Variants in KLHDC4 observed in about 807,000 individuals in gnomAD.
The protein encoded by KLHDC4 is kelch domain-containing protein 4.
In KLHDC4, 90 loss-of-function variants were observed where a neutral mutation model predicts 62.4. The ratio of observed to expected loss-of-function variants is 1.44; its 90% CI spans 1.22 to 1.72. KLHDC4 has a LOEUF of 1.72. Among genes scored for constraint, KLHDC4 ranks in the 40% most tolerant of loss-of-function variants. The pLI is 0.00. For missense variants in KLHDC4, 1,025 were observed against 699.7 expected, an observed-to-expected ratio of 1.47 and a Z score of -5.25; for synonymous variants, 386 against 284.4, an observed-to-expected ratio of 1.36 and a Z score of -3.59.
At chr16:87,765,072 G>C (rs2046433616) in intron 1 of KLHDC4, 1 of 455,166 alleles carries the variant, frequency 2.2e-6, no homozygotes, top group South Asian at 1.6e-5. Flanking sequence ...TGACCTGCTC[G>C]TGAGGAGTAA....
chr16:87,751,153 C>T (rs189730463), intron 4 of KLHDC4, among the ~76,000 whole-genome samples: 2 of 152,312 alleles, frequency 1.3e-5, no homozygotes, highest in South Asian at 2.1e-4. Context: ...CATACATGCA[C>T]GCTCCAGTTA....
rs531827120 is a variant in KLHDC4, at chr16:87,727,488, T to G, written c.600-564A>C. Among the ~76,000 whole-genome samples, 5 of 152,064 alleles carry G rather than the reference T, an allele frequency of 3.3e-5. No homozygotes were observed. In the East Asian group the frequency reaches 9.7e-4, roughly 29 times the overall value. On this transcript the variant is annotated intron_variant, in intron 6 of 11. Transcript: ENST00000270583. ...AGGGGTGAGCGAGGGGACTGGGCGCTCCAGGGAAACTGAAGACCACAGAAG... is the reference window on the plus strand; with the variant it reads ...AGGGGTGAGCGAGGGGACTGGGCGCGCCAGGGAAACTGAAGACCACAGAAG...
At chr16:87,706,197 T>C (rs1341072222), downstream of KLHDC4, among the ~76,000 whole-genome samples, 27 of 59,112 alleles carry the variant, frequency 4.6e-4, no homozygotes, top group East Asian at 6.1e-4. Flanking sequence ...GGGGTCAGCG[T>C]AATGCAAACA....
intron 1 of KLHDC4, among the ~76,000 whole-genome samples, chr16:87,765,501 G>C (rs990489576): frequency 6.6e-6 from 1 of 152,060 alleles, no homozygotes; most frequent in African/African-American, 2.4e-5. Context: ...GAGGGAGAAG[G>C]GAGGAGGGGG....
intron 7 of KLHDC4, among the ~76,000 whole-genome samples, chr16:87,725,250 T>C (rs1312898020): frequency 6.6e-6 from 1 of 152,124 alleles, no homozygotes; most frequent in Non-Finnish European, 1.5e-5. Flanking sequence ...CCCGCACTTG[T>C]AAAAATGTGT....
At chr16:87,723,345 G>A (rs1347985708) in intron 7 of KLHDC4, among the ~76,000 whole-genome samples, 1 of 152,252 alleles carries the variant, frequency 6.6e-6, no homozygotes, top group East Asian at 1.9e-4. Flanking sequence ...AGTGGATTGA[G>A]ATCACCCACC....
At position 87,756,462 on chromosome 16, in the gene KLHDC4, G is replaced by T; in HGVS notation, c.207C>A (p.Leu69=). ...PPPSPRLNAS[L]SVHPEKDELI... ...ACTCATCTTTCTCAGGATGAACCGAGAGGGAGGCATTTAACCTACAAGACA... is the reference window on the plus strand; with the variant it reads ...ACTCATCTTTCTCAGGATGAACCGATAGGGAGGCATTTAACCTACAAGACA... Residue 69 remains leucine, a synonymous_variant, in exon 3 of 12, where the codon CTC becomes CTA. Coordinates refer to ENST00000270583, the MANE Select transcript of KLHDC4 (RefSeq NM_017566.4). 1 of 1,613,868 alleles carries T rather than the reference G, an allele frequency of 6.2e-7. No individual in the cohort carries two copies. Among genetic ancestry groups the T allele is most frequent in the Non-Finnish European group, 8.5e-7 (1 of 1,179,836 alleles).
intron 2 of KLHDC4, among the ~76,000 whole-genome samples, chr16:87,759,530 T>A (rs1414603718): frequency 1.3e-5 from 2 of 152,112 alleles, no homozygotes; most frequent in Non-Finnish European, 2.9e-5. Flanking sequence ...GTGGATCACC[T>A]AAGGTCGGGA....
At chr16:87,729,954 T>C (rs2040047329) in intron 6 of KLHDC4, among the ~76,000 whole-genome samples, 1 of 152,122 alleles carries the variant, frequency 6.6e-6, no homozygotes, top group Non-Finnish European at 1.5e-5. Context: ...ATTTTATTTT[T>C]TTATTTATTT....
At chr16:87,738,430 G>C (rs1220436344) in intron 5 of KLHDC4, among the ~76,000 whole-genome samples, 1 of 152,078 alleles carries the variant, frequency 6.6e-6, no homozygotes, top group African/African-American at 2.4e-5. Context: ...AAGTGCTCCG[G>C]TGCATACAAA....
chr16:87,741,439 C>A (rs1218317877), intron 5 of KLHDC4, among the ~76,000 whole-genome samples: 4 of 152,150 alleles, frequency 2.6e-5, no homozygotes, highest in Non-Finnish European at 5.9e-5. Flanking sequence ...GGAGTGAGAA[C>A]CCTGTTGTGG....
In KLHDC4 at chr16:87,726,861, C is replaced by G. The variant is rs548850415; in HGVS notation, c.663G>C (p.Leu221=). 1.7e-5 allele frequency: 27 copies of G among 1,613,542 alleles called. No homozygotes were observed. In the African/African-American group the frequency reaches 3.5e-4, roughly 21 times the overall value. ...FNLDTFTWSK[L]SPSGTGPTPR... The stretch of plus-strand genomic sequence containing the variant: ...GTGTGGGCCCCGTCCCTGACGGGGA[C>G]AGCTTGCTCCATGTGAAGGTGTCCA... Residue 221 remains leucine (L), a synonymous_variant, in exon 7 of 12, where the codon CTG becomes CTC. Coordinates refer to ENST00000270583, the MANE Select transcript of KLHDC4 (RefSeq NM_017566.4).
chr16:87,757,666 G>A (rs765900596), intron 2 of KLHDC4, among the ~76,000 whole-genome samples: 1 of 152,034 alleles, frequency 6.6e-6, no homozygotes, highest in Non-Finnish European at 1.5e-5. Context: ...GAGGCGGGCA[G>A]ATCACCTGAG....
intron 5 of KLHDC4, chr16:87,740,624 T>G (rs904106256): frequency 6.6e-6 from 1 of 152,138 alleles, no homozygotes; most frequent in Non-Finnish European, 1.5e-5. Context: ...GATGCTGGTG[T>G]TTTTAGTGTT....
intron 5 of KLHDC4, among the ~76,000 whole-genome samples, chr16:87,732,464 T>G (rs1483524276): frequency 6.6e-6 from 1 of 152,184 alleles, no homozygotes; most frequent in Non-Finnish European, 1.5e-5. Context: ...TGAATTTTAT[T>G]GTAATTATGT....
At chr16:87,751,570 T>C (rs1201483744) in intron 4 of KLHDC4, among the ~76,000 whole-genome samples, 7 of 152,210 alleles carry the variant, frequency 4.6e-5, no homozygotes, top group Admixed American at 3.9e-4. Context: ...ACTTGCCTTT[T>C]AATTCTTTTC....
intron 7 of KLHDC4, among the ~76,000 whole-genome samples, chr16:87,716,578 C>T (rs192870430): frequency 1.2e-4 from 19 of 152,218 alleles, no homozygotes; most frequent in African/African-American, 3.1e-4. Context: ...CTCGGCCCTA[C>T]GATTCGCCAT....
chr16:87,705,942 C>A (rs200423081), downstream of KLHDC4, among the ~76,000 whole-genome samples: 1 of 152,232 alleles, frequency 6.6e-6, no homozygotes, highest in African/African-American at 2.4e-5. Context: ...CCAAAGCCGG[C>A]GCAACGCAAC....
exon 1 of KLHDC4, chr16:87,701,829 C>A: frequency 2.2e-6 from 1 of 456,726 alleles, no homozygotes; most frequent in South Asian, 1.5e-5. Context: ...AGCTGCACCA[C>A]CACTGCTCGT....
Sources: allele counts gnomAD v4.1 joint callset (sites outside exome capture counted in the v4.1 genomes callset), GRCh38; gene constraint gnomAD v4.1.1; transcripts MANE v1.5; gene names NCBI Gene and HGNC (gene_info 2026-07-23, HGNC 2026-07-21).